FANCI: variants seen among roughly 807,000 people sequenced by gnomAD.
The protein encoded by FANCI is Fanconi anemia group I protein.
Under a neutral mutation model 176.1 loss-of-function variants are expected in FANCI, and 156 were observed. That is an observed-to-expected ratio of 0.89 (90% confidence interval 0.78 to 1.01). The LOEUF is 1.01. Ranked by LOEUF, FANCI falls within the 50% of genes least tolerant of loss-of-function variation. The pLI is 0.00. For missense variants in FANCI, 1,678 were observed against 1,534.1 expected (o/e 1.09, Z -1.57); for synonymous variants, 613 against 541.7 (o/e 1.13, Z -1.83).
At position 89,276,979 on chromosome 15, in the gene FANCI, G is replaced by A. The variant is rs866488453; in HGVS notation, c.1293+88G>A. On this transcript the variant is annotated intron_variant, in intron 13 of 37. Coordinates refer to ENST00000310775, the MANE Select transcript of FANCI (RefSeq NM_001113378.2). Reference sequence around the variant, plus strand: ...ATTTGCCTGGGAGTTTGGTGGACAAGGAAATTTGAGTATGTATTAGTTTGA... The same window carrying A: ...ATTTGCCTGGGAGTTTGGTGGACAAAGAAATTTGAGTATGTATTAGTTTGA... 10 of 1,332,026 alleles carry A rather than the reference G, an allele frequency of 7.5e-6. No homozygotes were observed. In the African/African-American group the frequency reaches 1.0e-4, roughly 13 times the overall value. 82.5% of individuals were successfully genotyped at this position (1,332,026 alleles called of 1,614,324 possible). A position where few individuals can be genotyped will look rare whatever the true frequency, so the allele number is the denominator to read the frequency against.
At chr15:89,271,472 C>G (rs1190287594) in intron 10 of FANCI, among the ~76,000 whole-genome samples, 1 of 152,046 alleles carries the variant, frequency 6.6e-6, no homozygotes, top group Admixed American at 6.6e-5. Context: ...TGTGTTGTAG[C>G]GTATGTCAGT....
Position 89,305,690 on chromosome 15 carries a change from C to T in FANCI, c.3341C>T (p.Thr1114Ile). Residue 1114 changes from threonine to isoleucine, a missense_variant, in exon 31 of 38, where the codon ACC (threonine) becomes ATC (isoleucine). Around this residue, in one of 3 missense-constraint regions of FANCI, gnomAD observed 1,204 missense variants for 1,077.4 expected, o/e 1.12. Transcript: ENST00000310775. ...CTTAAGGGACAAGTGAGCCAAGAAA[C>T]CTTATCAGGTAAGATAAGTTCAACT... ...TKLKGQVSQE[T>I]LSEEASSQAT... The T allele has an allele frequency of 6.2e-7, 1 of 1,614,030 alleles. No homozygotes were observed.
chr15:89,258,285 C>G (rs1451668946), intron 2 of FANCI, among the ~76,000 whole-genome samples: 1 of 152,174 alleles, frequency 6.6e-6, no homozygotes, highest in African/African-American at 2.4e-5. Flanking sequence ...CCTTTCCTCA[C>G]TTATTGTCTA....
chr15:89,244,287 TCTTA>T (rs367929773), intron 1 of FANCI: 2,264 of 152,530 alleles, frequency 0.015, 59 homozygotes, highest in African/African-American at 0.052. Flanking sequence ...GAGGGTGAGC[TCTTA>T]CTTCTGAGAA....
intron 27 of FANCI, among the ~76,000 whole-genome samples, chr15:89,302,499 C>T (rs1420650282): frequency 6.6e-6 from 1 of 151,988 alleles, no homozygotes; most frequent in African/African-American, 2.4e-5. Flanking sequence ...CTTTTTTAAA[C>T]TTTTAAACTT....
chr15:89,299,131 C>T (rs1323876481), intron 24 of FANCI, among the ~76,000 whole-genome samples: 1 of 150,096 alleles, frequency 6.7e-6, no homozygotes, highest in African/African-American at 2.5e-5. Flanking sequence ...GATCACCCCA[C>T]TGCACTCCAG....
At chr15:89,297,720 C>G (rs1004128746) in intron 24 of FANCI, among the ~76,000 whole-genome samples, 1 of 129,990 alleles carries the variant, frequency 7.7e-6, no homozygotes, top group Non-Finnish European at 1.6e-5. Context: ...AGCTTTGGCT[C>G]GGCATCAGAG....
chr15:89,294,751 C>T (rs2054189945), intron 23 of FANCI, among the ~76,000 whole-genome samples, 164 bp from the exon 24 acceptor site: 1 of 152,182 alleles, frequency 6.6e-6, no homozygotes, highest in African/African-American at 2.4e-5. Context: ...GCAGCCATAG[C>T]AGTGACTATA....
chr15:89,299,753 C>G, intron 24 of FANCI, 47 bp from the exon 25 acceptor site: 1 of 1,589,488 alleles, frequency 6.3e-7, no homozygotes, highest in Middle Eastern at 1.7e-4. Context: ...GTTATTTTAT[C>G]TCGGTGAACC....
In FANCI at chr15:89,276,808, A is replaced by G; in HGVS notation, c.1210A>G (p.Ile404Val). ...GPKKVLDGKT[I>V]ETSPSLSRMP... ...AAAGAAGGTTCTTGATGGAAAAACT[A>G]TTGAAACCAGCCCAAGTCTTTCTAG... is the stretch of plus-strand genomic sequence containing the variant. The change falls in exon 13 of 38, where the codon ATT becomes GTT. Residue 404 changes from isoleucine (I) to valine (V), a missense_variant. Coordinates refer to ENST00000310775, the MANE Select transcript of FANCI (RefSeq NM_001113378.2). 1 of 1,614,206 alleles carries G rather than the reference A, an allele frequency of 6.2e-7. No homozygotes were observed. Among genetic ancestry groups the G allele is most frequent in the Middle Eastern group, 1.6e-4 (1 of 6,062 alleles).
intron 2 of FANCI, among the ~76,000 whole-genome samples, chr15:89,249,782 C>G (rs920449127): frequency 6.6e-6 from 1 of 152,012 alleles, no homozygotes; most frequent in Non-Finnish European, 1.5e-5. Flanking sequence ...CAAAACATTG[C>G]TAAAGAGAAA....
intron 14 of FANCI, among the ~76,000 whole-genome samples, chr15:89,279,354 C>T (rs537092182): frequency 5.3e-5 from 8 of 152,258 alleles, no homozygotes; most frequent in African/African-American, 9.6e-5. Context: ...GACAGGGTTT[C>T]GCCATGCTGG....
At chr15:89,296,589 TA>T in intron 24 of FANCI, among the ~76,000 whole-genome samples, 1 of 152,302 alleles carries the variant, frequency 6.6e-6, no homozygotes. Context: ...CTCCCATGTC[TA>T]CTTCTTTCTA....
At chr15:89,283,385 G>GTGCTGATGATGATGA (rs1288481331) in intron 17 of FANCI, 135 bp downstream of exon 17, 1 of 1,341,634 alleles carries the variant, frequency 7.5e-7, no homozygotes, top group African/African-American at 1.4e-5. Flanking sequence ...GATGATGATG[G>GTGCTGATGATGATGA]TGCTGATGAT....
At chr15:89,248,009 AC>A (rs988203708) in intron 2 of FANCI, among the ~76,000 whole-genome samples, 2 of 152,228 alleles carry the variant, frequency 1.3e-5, no homozygotes, top group African/African-American at 4.8e-5. Flanking sequence ...CAATTAGTAT[AC>A]TTTTATGGTC....
Position 89,293,002 on chromosome 15 carries a change from T to C in FANCI, c.2230T>C (p.Phe744Leu), listed in dbSNP as rs1483912656. The C allele has an allele frequency of 1.2e-6, 2 of 1,614,044 alleles. No individual in the cohort carries two copies. The highest frequency in any genetic ancestry group is 1.1e-5 in the South Asian group (1 of 91,072). Residue 744 changes from phenylalanine (F) to leucine (L), a missense_variant, in exon 22 of 38, where the codon TTT (phenylalanine) becomes CTT (leucine). Physicochemically the swap from Phe to Leu is conservative, Grantham distance 22. Coordinates refer to ENST00000310775, the MANE Select transcript of FANCI (RefSeq NM_001113378.2). ...SIGIKNNICA[F>L]LVMGVCEVLI... The stretch of plus-strand genomic sequence containing the variant: ...TGGCATAAAAAATAATATCTGTGCT[T>C]TTCTTGTGATGGGAGTTTGTGAGGT...
Position 89,261,640 on chromosome 15 carries a change from C to T in FANCI, c.344C>T (p.Ala115Val). The T allele has an allele frequency of 3.1e-6, 5 of 1,614,128 alleles. No homozygotes were observed. Among genetic ancestry groups the T allele is most frequent in the Non-Finnish European group, 4.2e-6 (5 of 1,180,008 alleles). ...LVELANEFIS[A>V]VREGSLVNGK... ...GAATTAGCCAATGAGTTTATTAGTGCTGTCAGAGAAGGCAGCCTAGTGAAT... is the reference window on the plus strand; with the variant it reads ...GAATTAGCCAATGAGTTTATTAGTGTTGTCAGAGAAGGCAGCCTAGTGAAT... The change falls in exon 5 of 38, where the codon GCT becomes GTT. Residue 115 changes from alanine (A) to valine (V), a missense_variant. Around this residue, in one of 3 missense-constraint regions of FANCI, gnomAD observed 469 missense variants for 436.9 expected, o/e 1.07. Transcript: ENST00000310775.
At chr15:89,282,179 C>T in intron 16 of FANCI, 1 of 341,040 alleles carries the variant, frequency 2.9e-6, no homozygotes, top group East Asian at 7.3e-5. Flanking sequence ...ATGTCAAGTA[C>T]TTTGCTCTAC....
chr15:89,257,780 GT>G (rs1336350597), intron 2 of FANCI, among the ~76,000 whole-genome samples: 1 of 152,062 alleles, frequency 6.6e-6, no homozygotes, highest in East Asian at 1.9e-4. Flanking sequence ...TATTACTTTG[GT>G]CTAGGCCACT....
Sources: allele counts gnomAD v4.1 joint callset (sites outside exome capture counted in the v4.1 genomes callset), GRCh38; gene constraint gnomAD v4.1.1; regional missense constraint gnomAD v4.1.1; transcripts MANE v1.5; gene names NCBI Gene and HGNC (gene_info 2026-07-23, HGNC 2026-07-21).